The following SCN11A variants were observed in gnomAD, a reference collection of about 807,000 sequenced individuals.
The protein encoded by SCN11A is sodium channel protein type 11 subunit alpha.
Under a neutral mutation model 162.2 loss-of-function variants are expected in SCN11A, and 122 were observed. That is an observed-to-expected ratio of 0.75 (90% CI 0.65 to 0.87). SCN11A has a LOEUF of 0.87. SCN11A is among the 40% of genes least tolerant of loss of function. The pLI is 0.00. For missense variants in SCN11A, 2,015 were observed against 2,181.6 expected, an observed-to-expected ratio of 0.92 and a Z score of 1.52; for synonymous variants, 758 against 751.5, an observed-to-expected ratio of 1.01 and a Z score of -0.14.
At chr3:38,949,618 A>C (rs73828748) in intron 5 of SCN11A, among the ~76,000 whole-genome samples, 2,422 of 152,306 alleles carry the variant, frequency 0.016, 66 homozygotes, top group African/African-American at 0.056. Context: ...CATGATATTA[A>C]TCCTTTGTAT....
At chr3:38,928,685 G>T (rs36118007) in intron 7 of SCN11A, among the ~76,000 whole-genome samples, 15,528 of 152,206 alleles carry the variant, frequency 0.1, 1,066 homozygotes, top group East Asian at 0.22. Flanking sequence ...ATGAAAAGAT[G>T]CTCAACATCA....
At chr3:38,955,202 C>T (rs886902131) in intron 3 of SCN11A, among the ~76,000 whole-genome samples, 12 of 152,174 alleles carry the variant, frequency 7.9e-5, no homozygotes, top group East Asian at 7.7e-4. Flanking sequence ...GCACAAGAAT[C>T]GCTTGAACCA....
At chr3:38,938,521 TA>T (rs2066376233) in intron 7 of SCN11A, among the ~76,000 whole-genome samples, 2 of 14,728 alleles carry the variant, frequency 1.4e-4, no homozygotes, top group Non-Finnish European at 2.9e-4. Flanking sequence ...TATATATATA[TA>T]TATATATATA....
chr3:38,980,172 C>T (rs1176501936), intron 2 of SCN11A, among the ~76,000 whole-genome samples: 1 of 151,918 alleles, frequency 6.6e-6, no homozygotes, highest in Admixed American at 6.6e-5. Flanking sequence ...CTGGAGGAGG[C>T]ATCAACTTAG....
chr3:38,897,069 A>C lies in SCN11A; in HGVS notation c.2179T>G (p.Phe727Val). ...AGTTTTGGACTCTTTTGGGAATTGA[A>C]GCTACGGCCAAAAAGCTGCATGCCA... ...VVGMQLFGRS[F>V]NSQKSPKLCN... Residue 727 changes from phenylalanine to valine, a missense_variant, in exon 18 of 30, where the codon TTC (phenylalanine) becomes GTC (valine). Coordinates refer to ENST00000302328, the MANE Select transcript of SCN11A (RefSeq NM_001349253.2). 6.2e-7 allele frequency: 1 copy of C among 1,614,146 alleles called. No homozygotes were observed. The highest frequency in any genetic ancestry group is 1.6e-4 in the Middle Eastern group (1 of 6,062).
chr3:38,870,804 A>G, intron 25 of SCN11A, 60 bp from the exon 26 acceptor site: 1 of 1,487,078 alleles, frequency 6.7e-7, no homozygotes, highest in Non-Finnish European at 9.4e-7. Context: ...CAACAGATAC[A>G]TGGCATGGAA....
chr3:38,969,521 C>G (rs1575341717), intron 2 of SCN11A, among the ~76,000 whole-genome samples: 2 of 152,290 alleles, frequency 1.3e-5, no homozygotes, highest in East Asian at 3.9e-4. Context: ...AAGAAACACA[C>G]ATGCCTGACC....
chr3:38,870,099 C>CT (rs1357194383), intron 26 of SCN11A, among the ~76,000 whole-genome samples: 1 of 152,146 alleles, frequency 6.6e-6, no homozygotes. Context: ...GAAACTCTTT[C>CT]TTTTTATCCC....
rs779211537 is a variant in SCN11A, at chr3:38,886,139, G to T, written c.2935C>A (p.Gln979Lys). The change falls in exon 20 of 30, where the codon CAG becomes AAG. Residue 979 changes from glutamine to lysine, a missense_variant. Coordinates refer to ENST00000302328, the MANE Select transcript of SCN11A (RefSeq NM_001349253.2). ...FSEDEPHLTI[Q>K]DPRKKSDVTS... Reference sequence around the variant, plus strand: ...AGGAAAATTACCTTTCGGGGATCCTGTATGGTCAGATGAGGCTCATCTTCA... The same window carrying T: ...AGGAAAATTACCTTTCGGGGATCCTTTATGGTCAGATGAGGCTCATCTTCA... 6 of 1,610,004 alleles carry T rather than the reference G, an allele frequency of 3.7e-6. No homozygotes were observed. The African/African-American group carries it at 6.7e-5, about 18-fold the overall frequency.
At chr3:38,856,904 G>C (rs1234431218) in intron 28 of SCN11A, among the ~76,000 whole-genome samples, 2 of 152,034 alleles carry the variant, frequency 1.3e-5, no homozygotes, top group Non-Finnish European at 2.9e-5. Context: ...CTCATACAGA[G>C]TCTTTACTCC....
intron 23 of SCN11A, among the ~76,000 whole-genome samples, chr3:38,876,081 G>A (rs143560902): frequency 1.4e-3 from 206 of 152,094 alleles, no homozygotes; most frequent in African/African-American, 4.6e-3. Flanking sequence ...ACCGATCTTC[G>A]ACAAAGCAAA....
At chr3:38,971,034 T>C (rs1036766683) in intron 2 of SCN11A, among the ~76,000 whole-genome samples, 7 of 151,046 alleles carry the variant, frequency 4.6e-5, no homozygotes, top group Non-Finnish European at 1.0e-4. Context: ...CTCAAAGCTA[T>C]AGATCCTGTT....
intron 28 of SCN11A, among the ~76,000 whole-genome samples, chr3:38,853,423 C>T (rs11922120): frequency 0.027 from 4,118 of 152,262 alleles, 177 homozygotes; most frequent in African/African-American, 0.09. Context: ...CCATAAACCG[C>T]TGGCAGATTA....
intron 2 of SCN11A, among the ~76,000 whole-genome samples, chr3:38,970,080 G>C (rs1286483684): frequency 1.3e-5 from 2 of 151,186 alleles, no homozygotes; most frequent in African/African-American, 4.8e-5. Flanking sequence ...CTGCTCTCAG[G>C]AAAGCATTAG....
intron 2 of SCN11A, among the ~76,000 whole-genome samples, chr3:38,981,823 A>G (rs2030068633): frequency 6.6e-6 from 1 of 151,860 alleles, no homozygotes; most frequent in African/African-American, 2.4e-5. Flanking sequence ...TGGCCAACAT[A>G]GCAAAATCCT....
At chr3:38,919,183 A>G (rs2066007706) in intron 11 of SCN11A, among the ~76,000 whole-genome samples, 1 of 152,204 alleles carries the variant, frequency 6.6e-6, no homozygotes, top group African/African-American at 2.4e-5. Flanking sequence ...GCAACACATA[A>G]CTGCATTTTC....
chr3:38,948,681 C>A (rs1174442192), intron 5 of SCN11A, among the ~76,000 whole-genome samples: 1 of 152,194 alleles, frequency 6.6e-6, no homozygotes, highest in Non-Finnish European at 1.5e-5. Context: ...GTGTGCAGAG[C>A]TCTAAACAGA....
intron 8 of SCN11A, among the ~76,000 whole-genome samples, chr3:38,926,598 T>C (rs1237717609): frequency 2.0e-5 from 3 of 152,146 alleles, no homozygotes; most frequent in East Asian, 1.9e-4. Context: ...AACTTGAGTG[T>C]TGACCTAGAA....
chr3:38,884,769 T>A (rs2065366631), intron 21 of SCN11A, among the ~76,000 whole-genome samples: 1 of 152,242 alleles, frequency 6.6e-6, no homozygotes, highest in Non-Finnish European at 1.5e-5. Context: ...ATTCACTCAT[T>A]TAATAGTCAC....
Sources: gnomAD v4.1 joint callset for allele counts (sites outside exome capture counted in the v4.1 genomes callset) on GRCh38, gnomAD v4.1.1 for gene constraint, MANE v1.5 for transcripts, NCBI Gene and HGNC (gene_info 2026-07-23, HGNC 2026-07-21) for gene names.